SKA3: variants seen among roughly 807,000 people sequenced by gnomAD.
SKA3 encodes the protein spindle and kinetochore-associated protein 3.
In SKA3, 39 loss-of-function variants were observed where a neutral mutation model predicts 44.2. The observed-to-expected ratio is 0.88, with a 90% CI of 0.68 to 1.15. The LOEUF (loss-of-function observed/expected upper bound fraction) is 1.15. SKA3 is among the 50% of genes most tolerant of loss of function. SKA3 has a pLI of 0.00. For synonymous variants in SKA3, 192 were observed against 172.0 expected, an observed-to-expected ratio of 1.12 and a Z score of -0.91; for missense variants, 511 against 485.8, an observed-to-expected ratio of 1.05 and a Z score of -0.49.
rs780849310 is a variant in SKA3, at chr13:21,155,775, T to C, written c.1156A>G (p.Ile386Val). ...CTGGGTGGCACTGCTTTAATTGCTA[T>C]TGGAGTAGCTAGGTTTGAGTTGTAT... ...SKYNSNLATPIAIKAVPPSKR... is the reference protein window; with the variant it reads ...SKYNSNLATPVAIKAVPPSKR... Residue 386 changes from isoleucine (I) to valine (V), a missense_variant, in exon 8 of 9, where the codon ATA (isoleucine) becomes GTA (valine). Coordinates refer to ENST00000314759, the MANE Select transcript of SKA3 (RefSeq NM_145061.6). 6.2e-7 allele frequency: 1 copy of C among 1,606,904 alleles called. No individual in the cohort carries two copies. Among genetic ancestry groups the C allele is most frequent in the East Asian group, 2.2e-5 (1 of 44,820 alleles).
intron 1 of SKA3, among the ~76,000 whole-genome samples, chr13:21,175,109 G>A (rs1392375031): frequency 1.3e-4 from 20 of 151,420 alleles, no homozygotes; most frequent in Non-Finnish European, 1.5e-5. Context: ...CCGAGTAGCT[G>A]GGATTACAGG....
At chr13:21,169,527 C>A (rs1313354603) in intron 3 of SKA3, among the ~76,000 whole-genome samples, 1 of 151,940 alleles carries the variant, frequency 6.6e-6, no homozygotes, top group Admixed American at 6.6e-5. Flanking sequence ...GTACCTAGCC[C>A]GCCTCCAGCA....
At chr13:21,155,903 A>G (rs947430778) in intron 7 of SKA3, 92 bp from the exon 8 acceptor site, 1 of 661,480 alleles carries the variant, frequency 1.5e-6, no homozygotes, top group Non-Finnish European at 2.4e-6. Context: ...AATAAAAGCT[A>G]TGGGGCGGGC....
rs1565996735 is a variant in SKA3 at position 21,172,377 on chromosome 13, T to C, written c.293A>G (p.Gln98Arg). 6.3e-7 allele frequency: 1 copy of C among 1,582,198 alleles called. No homozygotes were observed. Reference protein sequence around the residue: ...MDIMKIREYFQKYGYSPRVKK... With the variant: ...MDIMKIREYFRKYGYSPRVKK... ...GACACGTGGACTATATCCATACTTC[T>C]GGAAATACTCTCTTATTTTCATAAT... is the stretch of plus-strand genomic sequence containing the variant. Residue 98 changes from glutamine (Q) to arginine (R), a missense_variant, in exon 3 of 9, where the codon CAG becomes CGG. Transcript: ENST00000314759.
At position 21,155,747 on chromosome 13, in the gene SKA3, T is replaced by A; in HGVS notation, c.1184A>T (p.Lys395Ile). Residue 395 changes from lysine to isoleucine, a missense_variant, in exon 8 of 9, where the codon AAA becomes ATA. By Grantham distance (102) the Lys-to-Ile change is moderately radical (BLOSUM62 -3). Transcript: ENST00000314759. ...GTTCTGTCCATGTTTAAGGAACCTT[T>A]TACTGGGTGGCACTGCTTTAATTGC... ...PIAIKAVPPS[K>I]RFLKHGQNIR... The A allele has an allele frequency of 6.2e-7, 1 of 1,613,146 alleles. No homozygotes were observed. The highest frequency in any genetic ancestry group is 1.1e-5 in the South Asian group (1 of 91,064).
Position 21,176,517 on chromosome 13 carries a change from C to A in SKA3, c.-40G>T. 2.9e-6 allele frequency: 4 copies of A among 1,396,304 alleles called. No homozygotes were observed. Among genetic ancestry groups the A allele is most frequent in the Non-Finnish European group, 3.8e-6 (4 of 1,053,244 alleles). The allele number at this position is 1,396,304 out of a possible 1,614,324, so 86.5% of individuals were successfully genotyped here. On this transcript the variant is annotated 5_prime_UTR_variant, in exon 1 of 9. Transcript: ENST00000314759. ...GGAAGGACTCCAGGCGTACGCAGAC[C>A]CCACCGCTCAGCTCACAGCCTCCCG...
chr13:21,155,286 G>A (rs769945233), intron 8 of SKA3, 136 bp from the exon 9 acceptor site: 7 of 653,920 alleles, frequency 1.1e-5, no homozygotes, highest in Middle Eastern at 4.1e-4. Context: ...CATTAAACTG[G>A]ATAATTCGGG....
rs944906397 is a variant in SKA3, at chr13:21,153,654, C to A, written c.*1496G>T. The A allele has an allele frequency of 6.6e-6, 1 of 152,256 alleles. No individual in the cohort carries two copies. The highest frequency in any genetic ancestry group is 2.4e-5 in the African/African-American group (1 of 41,448). The allele number at this position is 152,256 out of a possible 1,614,324, so 9.4% of individuals were successfully genotyped here. On this transcript the variant is annotated 3_prime_UTR_variant, in exon 9 of 9. Coordinates refer to ENST00000314759, the MANE Select transcript of SKA3 (RefSeq NM_145061.6). ...GCAATATTCACAGAATCATCACTCT[C>A]CTTGAAATACTTTCTTCCTACTTCA...
chr13:21,175,724 A>T (rs928490875), intron 1 of SKA3, among the ~76,000 whole-genome samples: 8 of 152,220 alleles, frequency 5.3e-5, no homozygotes, highest in Non-Finnish European at 1.2e-4. Context: ...CAATTTAAAA[A>T]ATCTCTAATA....
Position 21,153,855 on chromosome 13 carries a change from A to C in SKA3, c.*1295T>G, listed in dbSNP as rs1381818004. The stretch of plus-strand genomic sequence containing the variant: ...AGTGAAAGGCTGGTATACATTTCAG[A>C]GTCAATGGCATACATAAGGCTGACT... On this transcript the variant is annotated 3_prime_UTR_variant, in exon 9 of 9. Coordinates refer to ENST00000314759, the MANE Select transcript of SKA3 (RefSeq NM_145061.6). 1 of 152,232 alleles carries C rather than the reference A, an allele frequency of 6.6e-6. No homozygotes were observed. Among genetic ancestry groups the C allele is most frequent in the Non-Finnish European group, 1.5e-5 (1 of 68,044 alleles). 9.4% of individuals were successfully genotyped at this position (152,232 alleles called of 1,614,324 possible).
chr13:21,159,859 C>G lies in SKA3; in HGVS notation c.915+43G>C, dbSNP rs774925319. 11 of 1,187,756 alleles carry G rather than the reference C, an allele frequency of 9.3e-6. No individual in the cohort carries two copies. In the Admixed American group the frequency reaches 1.3e-4, roughly 14 times the overall value. The allele number at this position is 1,187,756 out of a possible 1,614,324, so 73.6% of individuals were successfully genotyped here. On this transcript the variant is annotated intron_variant, in intron 6 of 8. Coordinates refer to ENST00000314759, the MANE Select transcript of SKA3 (RefSeq NM_145061.6). ...CCTGCAAGCAGTAGTGTATTTGAGT[C>G]TTTAGGAGAAAGACTGTGGCTTTCA...
rs1870027512 is a variant in SKA3 at position 21,155,043 on chromosome 13, A to C, written c.*107T>G. On this transcript the variant is annotated 3_prime_UTR_variant, in exon 9 of 9. Transcript: ENST00000314759. ...TCATGTTTGTCTTTAAAATGGGTCA[A>C]CGTTTAAAGGGGGACAGAGGCAGGG... The C allele has an allele frequency of 6.4e-7, 1 of 1,554,162 alleles. No homozygotes were observed. The highest frequency in any genetic ancestry group is 8.8e-7 in the Non-Finnish European group (1 of 1,140,760).
chr13:21,157,662 T>C, intron 7 of SKA3, among the ~76,000 whole-genome samples: 1 of 152,184 alleles, frequency 6.6e-6, no homozygotes, highest in East Asian at 1.9e-4. Context: ...ACCCTGGCTC[T>C]GGGAAATTGT....
In SKA3 at chr13:21,154,689, CA is replaced by C. The variant is rs1279454945; in HGVS notation, c.*460del. 1 of 185,556 alleles carries C rather than the reference CA, an allele frequency of 5.4e-6. No individual in the cohort carries two copies. Among genetic ancestry groups the C allele is most frequent in the African/African-American group, 2.4e-5 (1 of 41,896 alleles). 11.5% of individuals were successfully genotyped at this position (185,556 alleles called of 1,614,324 possible). A position where few individuals can be genotyped will look rare whatever the true frequency, so the allele number is the denominator to read the frequency against. On this transcript the variant is annotated 3_prime_UTR_variant, in exon 9 of 9. Coordinates refer to ENST00000314759, the MANE Select transcript of SKA3 (RefSeq NM_145061.6). ...TGGTGTTCCTGTTGTTTGCAAACAG[CA>C]ACTGCATCTTCAGACAGCACTGAGC...
Position 21,157,940 on chromosome 13 carries a change from A to C in SKA3, c.1101T>G (p.Ile367Met). The stretch of plus-strand genomic sequence containing the variant: ...AAATAACCTGGAGAATATCTTCTGG[A>C]ATTTTAGTTACTTCCGGAGGTGTAG... ...RTPTPPEVTK[I>M]PEDILQLLSK... The change falls in exon 7 of 9, where the codon ATT (isoleucine) becomes ATG (methionine). Residue 367 changes from isoleucine to methionine, a missense_variant. Ile to Met is a conservative substitution (Grantham distance 10, BLOSUM62 1). Transcript: ENST00000314759. 2 of 1,600,450 alleles carry C rather than the reference A, an allele frequency of 1.2e-6. No individual in the cohort carries two copies. The highest frequency in any genetic ancestry group is 1.7e-6 in the Non-Finnish European group (2 of 1,174,296).
At chr13:21,175,421 C>T (rs1871429227) in intron 1 of SKA3, among the ~76,000 whole-genome samples, 1 of 151,878 alleles carries the variant, frequency 6.6e-6, no homozygotes, top group Non-Finnish European at 1.5e-5. Flanking sequence ...GGACTACCGG[C>T]GCCCGCCACC....
At chr13:21,159,685 T>A (rs1268635727) in intron 6 of SKA3, among the ~76,000 whole-genome samples, 1 of 152,186 alleles carries the variant, frequency 6.6e-6, no homozygotes, top group Non-Finnish European at 1.5e-5. Context: ...CCAATTTGCC[T>A]TAGAAAAAAT....
chr13:21,161,257 G>A (rs200880359), intron 5 of SKA3, among the ~76,000 whole-genome samples: 2 of 152,264 alleles, frequency 1.3e-5, no homozygotes, highest in East Asian at 3.9e-4. Flanking sequence ...GCAACAGAGT[G>A]AGACCCTGTC....
intron 3 of SKA3, among the ~76,000 whole-genome samples, 195 bp from the exon 4 acceptor site, chr13:21,168,594 A>T (rs1232363556): frequency 1.3e-5 from 2 of 152,204 alleles, no homozygotes; most frequent in Admixed American, 1.3e-4. Context: ...AGGTGTGATC[A>T]CAGCTCACTG....
Sources: gnomAD v4.1 joint callset for allele counts (sites outside exome capture counted in the v4.1 genomes callset) on GRCh38, gnomAD v4.1.1 for gene constraint, MANE v1.5 for transcripts, NCBI Gene and HGNC (gene_info 2026-07-23, HGNC 2026-07-21) for gene names.